C1orf146: variants seen among roughly 807,000 people sequenced by gnomAD.
C1orf146 encodes the protein chromosome 1 open reading frame 146, also known as protein SPO16 homolog.
In C1orf146, 22 loss-of-function variants were observed where a neutral mutation model predicts 23.0. That is an observed-to-expected ratio of 0.96 (90% confidence interval 0.68 to 1.36). The LOEUF (loss-of-function observed/expected upper bound fraction) is 1.36. C1orf146 is among the 40% of genes most tolerant of loss of function. C1orf146 has a pLI of 0.00. For missense variants in C1orf146, 199 were observed against 206.8 expected (o/e 0.96, Z 0.23); for synonymous variants, 59 against 65.3 (o/e 0.90, Z 0.47).
chr1:92,231,709 A>G (rs978634860), intron 2 of C1orf146, among the ~76,000 whole-genome samples: 1 of 151,538 alleles, frequency 6.6e-6, no homozygotes, highest in African/African-American at 2.4e-5. Context: ...GATTTTCTAA[A>G]GTTTTTTTTT....
At chr1:92,218,201 C>T (rs1651723974) in intron 1 of C1orf146, among the ~76,000 whole-genome samples, 153 bp downstream of exon 1, 2 of 152,182 alleles carry the variant, frequency 1.3e-5, no homozygotes, top group Non-Finnish European at 2.9e-5. Context: ...TCCTGCCCAC[C>T]CTATTTTCCC....
intron 1 of C1orf146, among the ~76,000 whole-genome samples, chr1:92,221,016 T>C (rs1488967811): frequency 1.3e-5 from 2 of 152,216 alleles, no homozygotes; most frequent in Non-Finnish European, 2.9e-5. Context: ...GTTACTGTTT[T>C]ATAGATGCTT....
rs533650035 is a variant in C1orf146, at chr1:92,239,673, A to C, written c.67-2539A>C. 6.0e-5 allele frequency among the ~76,000 whole-genome samples: 9 copies of C among 149,802 alleles called. 1 individual carries two copies. The East Asian group carries it at 1.7e-3, about 29-fold the overall frequency. ...AGGCTGAGGCAGGAGAATCATTTGA[A>C]TCTGGGAGGCAGAGGTTGCAGTGTC... On this transcript the variant is annotated intron_variant, in intron 2 of 5. Transcript: ENST00000370375.
At chr1:92,237,447 G>A (rs992146914) in intron 2 of C1orf146, among the ~76,000 whole-genome samples, 2 of 152,208 alleles carry the variant, frequency 1.3e-5, no homozygotes, top group Admixed American at 6.5e-5. Flanking sequence ...GAATGCTGCT[G>A]TCTGATCATT....
intron 1 of C1orf146, among the ~76,000 whole-genome samples, chr1:92,222,207 C>T (rs936229977): frequency 1.1e-4 from 16 of 152,170 alleles, no homozygotes; most frequent in African/African-American, 3.1e-4. Context: ...TGCCACTGCA[C>T]TCCAGCCATA....
In C1orf146 at chr1:92,242,225, C is replaced by CAA; in HGVS notation, c.81_82dup (p.Thr28LysfsTer4). The CAA allele has an allele frequency of 6.3e-7, 1 of 1,583,662 alleles. No homozygotes were observed. Among genetic ancestry groups the CAA allele is most frequent in the Middle Eastern group, 1.7e-4 (1 of 5,988 alleles). On this transcript the variant is annotated frameshift_variant, in exon 3 of 6. Transcript: ENST00000370375. LOFTEE classifies it high-confidence loss of function. ...TTTTTAAAAAAGAGTTATGAAGTTGCAACTGCCCTAGAAAATCGAAGCCAC... is the reference window on the plus strand; with the variant it reads ...TTTTTAAAAAAGAGTTATGAAGTTGCAAAACTGCCCTAGAAAATCGAAGCCAC...
intron 1 of C1orf146, among the ~76,000 whole-genome samples, chr1:92,226,089 T>G (rs900328046): frequency 6.6e-6 from 1 of 152,238 alleles, no homozygotes; most frequent in East Asian, 1.9e-4. Context: ...GTACATCCAC[T>G]GTGAGGTACA....
At chr1:92,224,754 GTTC>G (rs1450395874) in intron 1 of C1orf146, among the ~76,000 whole-genome samples, 2 of 151,686 alleles carry the variant, frequency 1.3e-5, no homozygotes, top group African/African-American at 2.4e-5. Context: ...GGTTTAATTT[GTTC>G]TTCTTTTTTT....
chr1:92,219,541 T>C (rs1651771443), intron 1 of C1orf146, among the ~76,000 whole-genome samples: 1 of 135,802 alleles, frequency 7.4e-6, no homozygotes, highest in Non-Finnish European at 1.6e-5. Flanking sequence ...TCTCGCTCTA[T>C]CACCCACGCT....
chr1:92,234,381 G>A (rs1446706234), intron 2 of C1orf146, among the ~76,000 whole-genome samples: 1 of 152,164 alleles, frequency 6.6e-6, no homozygotes, highest in Non-Finnish European at 1.5e-5. Context: ...TGTGGTTTTT[G>A]TCTTTGGTTC....
chr1:92,235,025 G>T (rs559507718), intron 2 of C1orf146, among the ~76,000 whole-genome samples: 134 of 151,904 alleles, frequency 8.8e-4, no homozygotes, highest in African/African-American at 3.2e-3. Flanking sequence ...TCTTGCTAGC[G>T]GTCTATCAAT....
chr1:92,227,290 T>C (rs538017748), intron 1 of C1orf146, among the ~76,000 whole-genome samples: 4 of 151,972 alleles, frequency 2.6e-5, no homozygotes, highest in Non-Finnish European at 4.4e-5. Context: ...AGCCTGTAAT[T>C]CCAGCACTTT....
At position 92,240,882 on chromosome 1, in the gene C1orf146, G is replaced by C. The variant is rs922981058; in HGVS notation, c.67-1330G>C. 35 of 460,186 alleles carry C rather than the reference G, an allele frequency of 7.6e-5. No individual in the cohort carries two copies. The East Asian group carries it at 2.5e-3, about 33-fold the overall frequency. The allele number at this position is 460,186 out of a possible 1,614,324, so 28.5% of individuals were successfully genotyped here. On this transcript the variant is annotated intron_variant, in intron 2 of 5. Coordinates refer to ENST00000370375, the MANE Select transcript of C1orf146 (RefSeq NM_001012425.2). ...TAACCACCTAGATTTTAGTATTGTG[G>C]GTAATATGATTTAATTGCCTGGGTG...
rs113795670 is a variant in C1orf146, at chr1:92,244,917, A to G, written c.408+60A>G. On this transcript the variant is annotated intron_variant, in intron 5 of 5. Coordinates refer to ENST00000370375, the MANE Select transcript of C1orf146 (RefSeq NM_001012425.2). ...TACATTTTAAGGTTTTTAACTTCCA[A>G]TTGTCACCCTTTTGAGCGAGACTGG... 1.9e-3 allele frequency: 1,840 copies of G among 963,478 alleles called. 29 individuals carry two copies. In the African/African-American group the frequency reaches 0.026, roughly 14 times the overall value. 59.7% of individuals were successfully genotyped at this position (963,478 alleles called of 1,614,324 possible).
intron 2 of C1orf146, among the ~76,000 whole-genome samples, chr1:92,237,968 C>T (rs189583484): frequency 1.4e-4 from 21 of 152,226 alleles, no homozygotes; most frequent in Non-Finnish European, 2.2e-4. Flanking sequence ...TTTGCTCTGT[C>T]GCCGAGGCTG....
At chr1:92,238,630 T>G (rs1287537304) in intron 2 of C1orf146, among the ~76,000 whole-genome samples, 1 of 152,198 alleles carries the variant, frequency 6.6e-6, no homozygotes, top group Non-Finnish European at 1.5e-5. Context: ...TTCCATTATT[T>G]TATTCTTTTA....
chr1:92,218,872 C>G (rs1015110146), intron 1 of C1orf146, among the ~76,000 whole-genome samples: 2 of 152,166 alleles, frequency 1.3e-5, no homozygotes, highest in Non-Finnish European at 2.9e-5. Context: ...AGGAGCTTTT[C>G]CCCAGAAATG....
chr1:92,224,632 C>G (rs1304661007), intron 1 of C1orf146, among the ~76,000 whole-genome samples: 1 of 152,192 alleles, frequency 6.6e-6, no homozygotes, highest in East Asian at 1.9e-4. Context: ...CAGTCTAGCT[C>G]AATGTTTATC....
chr1:92,219,997 A>G (rs781530557), intron 1 of C1orf146, among the ~76,000 whole-genome samples: 16 of 152,196 alleles, frequency 1.1e-4, no homozygotes, highest in Non-Finnish European at 1.5e-4. Flanking sequence ...AAATTGTTCC[A>G]GCTTTAGCCA....
Sources: gnomAD v4.1 joint callset for allele counts (sites outside exome capture counted in the v4.1 genomes callset) on GRCh38, gnomAD v4.1.1 for gene constraint, MANE v1.5 for transcripts, NCBI Gene and HGNC (gene_info 2026-07-23, HGNC 2026-07-21) for gene names.